The following SCAPER variants were observed in gnomAD, a reference collection of about 807,000 sequenced individuals.
SCAPER encodes S-phase cyclin A associated protein in the ER.
SCAPER carries 98 observed loss-of-function variants against 182.2 expected under a neutral mutation model. That is an observed-to-expected ratio of 0.54 (90% CI 0.46 to 0.64). The LOEUF is 0.64. Ranked by LOEUF, SCAPER falls within the 30% of genes least tolerant of loss-of-function variation. The pLI, the probability that SCAPER is intolerant of heterozygous loss-of-function variation, is 0.00. For missense variants in SCAPER, 1,432 were observed against 1,690.0 expected (o/e 0.85, Z 2.68); for synonymous variants, 605 against 564.6 (o/e 1.07, Z -1.01).
At chr15:76,889,695 G>A (rs933013928) in intron 1 of SCAPER, among the ~76,000 whole-genome samples, 1 of 152,096 alleles carries the variant, frequency 6.6e-6, no homozygotes, top group Non-Finnish European at 1.5e-5. Context: ...CCTACAAAGA[G>A]ACTTAGACTC....
At chr15:76,702,143 A>C (rs530825202) in intron 19 of SCAPER, among the ~76,000 whole-genome samples, 75 of 151,920 alleles carry the variant, frequency 4.9e-4, no homozygotes, top group African/African-American at 1.8e-3. Flanking sequence ...AGCTTGGGTG[A>C]CAAAGCGATA....
chr15:76,535,393 G>T (rs2044047447), intron 23 of SCAPER, among the ~76,000 whole-genome samples: 1 of 151,570 alleles, frequency 6.6e-6, no homozygotes, highest in South Asian at 2.1e-4. Flanking sequence ...GTGGTGGCGG[G>T]CACCTGTAGT....
chr15:76,492,187 G>GC (rs1325501772), intron 24 of SCAPER, among the ~76,000 whole-genome samples: 2 of 152,162 alleles, frequency 1.3e-5, no homozygotes, highest in Non-Finnish European at 2.9e-5. Context: ...TCTCCCCAAA[G>GC]TGAAGAAATC....
At chr15:76,668,529 T>G (rs2056787381) in intron 20 of SCAPER, among the ~76,000 whole-genome samples, 1 of 152,208 alleles carries the variant, frequency 6.6e-6, no homozygotes, top group African/African-American at 2.4e-5. Context: ...GAAACTTTAC[T>G]GCCTCAGGGC....
At chr15:76,680,247 AAATAT>A (rs1378258999) in intron 20 of SCAPER, among the ~76,000 whole-genome samples, 4 of 152,102 alleles carry the variant, frequency 2.6e-5, no homozygotes, top group African/African-American at 9.7e-5. Context: ...AAATGCATGC[AAATAT>A]ACAATACATA....
At chr15:76,700,892 A>T (rs1257247325) in intron 20 of SCAPER, among the ~76,000 whole-genome samples, 2 of 152,204 alleles carry the variant, frequency 1.3e-5, no homozygotes, top group South Asian at 4.1e-4. Flanking sequence ...AAATTTAAGA[A>T]CAGGCAACAC....
chr15:76,681,280 T>C (rs945469690), intron 20 of SCAPER, among the ~76,000 whole-genome samples: 16 of 152,190 alleles, frequency 1.1e-4, no homozygotes, highest in African/African-American at 3.6e-4. Flanking sequence ...AGAAACATTG[T>C]AAAATAAAAT....
At chr15:76,831,777 A>G (rs2068510153) in intron 5 of SCAPER, among the ~76,000 whole-genome samples, 1 of 152,062 alleles carries the variant, frequency 6.6e-6, no homozygotes, top group Non-Finnish European at 1.5e-5. Context: ...TCGGTCCCTC[A>G]AGTGCAGCAG....
intron 22 of SCAPER, among the ~76,000 whole-genome samples, chr15:76,613,588 G>A (rs566943988): frequency 5.5e-4 from 83 of 152,272 alleles, no homozygotes; most frequent in Admixed American, 1.1e-3. Context: ...CGATTAAAAA[G>A]TGGGCAAAGG....
At chr15:76,470,455 G>A (rs1321177669) in intron 25 of SCAPER, among the ~76,000 whole-genome samples, 1 of 152,146 alleles carries the variant, frequency 6.6e-6, no homozygotes, top group East Asian at 1.9e-4. Context: ...ACCAGATAGA[G>A]GCAATAGCTT....
intron 2 of SCAPER, among the ~76,000 whole-genome samples, chr15:76,866,246 T>A (rs1470905752): frequency 6.6e-6 from 1 of 152,002 alleles, no homozygotes; most frequent in Non-Finnish European, 1.5e-5. Context: ...ACACTGAGTG[T>A]GTGTGTGTGT....
At chr15:76,513,119 T>A (rs942098596) in intron 23 of SCAPER, among the ~76,000 whole-genome samples, 2 of 152,170 alleles carry the variant, frequency 1.3e-5, no homozygotes, top group African/African-American at 4.8e-5. Context: ...CATTCTCTCT[T>A]GTCTGCAAGC....
Position 76,665,786 on chromosome 15 carries a change from G to T in SCAPER, c.2512C>A (p.His838Asn). The stretch of plus-strand genomic sequence containing the variant: ...ATAATGTACTTCTTCAAGGAAAGAT[G>T]CTCCTGCAAGATAAATAAATAAAAT... ...GRELSDEEVE[H>N]LSLKKYIIDI... is the part of the protein sequence containing the mutation. The change falls in exon 21 of 32, where the codon CAT (histidine) becomes AAT (asparagine). Residue 838 changes from histidine to asparagine, a missense_variant. Physicochemically the swap from His to Asn is moderately conservative, Grantham distance 68. Around this residue, in one of 5 missense-constraint regions of SCAPER, gnomAD observed 718 missense variants for 799.7 expected, o/e 0.90. Transcript: ENST00000563290. 1 of 1,508,930 alleles carries T rather than the reference G, an allele frequency of 6.6e-7. No homozygotes were observed. The highest frequency in any genetic ancestry group is 8.8e-7 in the Non-Finnish European group (1 of 1,132,262). 93.5% of individuals were successfully genotyped at this position (1,508,930 alleles called of 1,614,324 possible).
At chr15:76,694,053 G>C (rs67796903) in intron 20 of SCAPER, among the ~76,000 whole-genome samples, 23,761 of 151,544 alleles carry the variant, frequency 0.16, 2,281 homozygotes, top group Middle Eastern at 0.22. Context: ...TTTTTCTCAG[G>C]ATTGCTGTGG....
At chr15:76,767,128 C>T in intron 10 of SCAPER, 40 bp from the exon 11 acceptor site, 2 of 1,484,088 alleles carry the variant, frequency 1.3e-6, no homozygotes, top group African/African-American at 1.4e-5. Flanking sequence ...GAAAAATGAT[C>T]ACTTGACTGG....
rs769488654 is a variant in SCAPER at position 76,515,113 on chromosome 15, G to A, written c.2839-10139C>T. ...TAAGCTACAGTTTGAAGGCTTAGGCGATACAGTAAGTGGGGCTGAGAGGCT... is the reference window on the plus strand; with the variant it reads ...TAAGCTACAGTTTGAAGGCTTAGGCAATACAGTAAGTGGGGCTGAGAGGCT... On this transcript the variant is annotated intron_variant, in intron 23 of 31. Transcript: ENST00000563290. Among the ~76,000 whole-genome samples, 13 of 152,216 alleles carry A rather than the reference G, an allele frequency of 8.5e-5. 1 individual carries two copies. Among genetic ancestry groups the A allele is most frequent in the Non-Finnish European group, 1.5e-4 (10 of 68,032 alleles).
chr15:76,752,592 C>T (rs2151187244), intron 15 of SCAPER, among the ~76,000 whole-genome samples: 1 of 151,758 alleles, frequency 6.6e-6, no homozygotes, highest in East Asian at 1.9e-4. Context: ...ACACTGAAGA[C>T]CTTATGCTAA....
At chr15:76,852,825 A>G (rs2070892871) in intron 4 of SCAPER, among the ~76,000 whole-genome samples, 1 of 152,224 alleles carries the variant, frequency 6.6e-6, no homozygotes. Flanking sequence ...GCAGAAGACA[A>G]GATATAAACA....
At chr15:76,427,691 T>A (rs988314608) in intron 26 of SCAPER, among the ~76,000 whole-genome samples, 1 of 151,732 alleles carries the variant, frequency 6.6e-6, no homozygotes, top group African/African-American at 2.4e-5. Context: ...ATAAAAAAAA[T>A]TAAAAAATTA....
Sources: gnomAD v4.1 joint callset for allele counts (sites outside exome capture counted in the v4.1 genomes callset) on GRCh38, gnomAD v4.1.1 for gene constraint, gnomAD v4.1.1 regional missense constraint, MANE v1.5 for transcripts, NCBI Gene and HGNC (gene_info 2026-07-23, HGNC 2026-07-21) for gene names.